GNB4: variants seen among roughly 807,000 people sequenced by gnomAD.
The protein encoded by GNB4 is guanine nucleotide-binding protein subunit beta-4.
GNB4 carries 28 observed loss-of-function variants against 45.2 expected under a neutral mutation model. That is an observed-to-expected ratio of 0.62 (90% confidence interval 0.46 to 0.85). The LOEUF is 0.85. GNB4 is among the 40% of genes least tolerant of loss of function. The pLI, the probability that GNB4 is intolerant of heterozygous loss-of-function variation, is 0.00. For missense variants in GNB4, 321 were observed against 425.4 expected (o/e 0.75, Z 2.16); for synonymous variants, 132 against 143.7 (o/e 0.92, Z 0.58).
chr3:179,418,205 C>A (rs567580247), intron 4 of GNB4, among the ~76,000 whole-genome samples: 1 of 152,194 alleles, frequency 6.6e-6, no homozygotes, highest in East Asian at 1.9e-4. Flanking sequence ...CGGTGGCTCA[C>A]ACCTGATTAA....
the GNB4 span, among the ~76,000 whole-genome samples, chr3:179,469,909 G>A: frequency 2.6e-5 from 4 of 152,162 alleles, no homozygotes; most frequent in African/African-American, 9.7e-5. Flanking sequence ...TTATACTGAG[G>A]CCAAGGAACT....
intron 4 of GNB4, among the ~76,000 whole-genome samples, chr3:179,416,971 G>GTA (rs1714817394): frequency 6.6e-6 from 1 of 152,114 alleles, no homozygotes; most frequent in Non-Finnish European, 1.5e-5. Context: ...AATACTAGAG[G>GTA]TACAACGCAG....
the GNB4 span, among the ~76,000 whole-genome samples, chr3:179,486,334 T>C: frequency 6.6e-6 from 1 of 152,034 alleles, no homozygotes; most frequent in Non-Finnish European, 1.5e-5. Flanking sequence ...TAATCATGAG[T>C]TTATTTGCTT....
the GNB4 span, chr3:179,464,848 C>G: frequency 7.4e-7 from 1 of 1,343,078 alleles, no homozygotes; most frequent in African/African-American, 1.4e-5. Flanking sequence ...TGTGTTTGGA[C>G]CAGTATTCCA....
intron 8 of GNB4, among the ~76,000 whole-genome samples, chr3:179,408,541 A>G (rs556869095): frequency 7.9e-5 from 12 of 152,306 alleles, no homozygotes; most frequent in African/African-American, 2.9e-4. Context: ...CTTTAATCCC[A>G]GCATTTTGGG....
At position 179,401,000 on chromosome 3, in the gene GNB4, T is replaced by C. The variant is rs1383703665; in HGVS notation, c.*213A>G. On this transcript the variant is annotated 3_prime_UTR_variant, in exon 10 of 10. Coordinates refer to ENST00000232564, the MANE Select transcript of GNB4 (RefSeq NM_021629.4). ...GTTAAAATAACCCAACCCCTCAAAT[T>C]AATACACTGGTCCTTTTGATCTCAG... 6.5e-6 allele frequency: 3 copies of C among 458,412 alleles called. No individual in the cohort carries two copies. The highest frequency in any genetic ancestry group is 6.0e-5 in the African/African-American group (3 of 50,226). The allele number at this position is 458,412 out of a possible 1,614,324, so 28.4% of individuals were successfully genotyped here.
intron 8 of GNB4, among the ~76,000 whole-genome samples, chr3:179,409,355 C>CA (rs767464834): frequency 2.6e-5 from 4 of 151,026 alleles, no homozygotes; most frequent in East Asian, 3.9e-4. Flanking sequence ...ACTAAAAATA[C>CA]AAAAAAATCA....
chr3:179,401,590 A>C (rs1038986040), intron 9 of GNB4, among the ~76,000 whole-genome samples: 3 of 152,226 alleles, frequency 2.0e-5, no homozygotes, highest in African/African-American at 7.2e-5. Flanking sequence ...ATCATCTTAT[A>C]ATTCAACTTA....
the GNB4 span, among the ~76,000 whole-genome samples, chr3:179,473,289 AT>A: frequency 1.3e-5 from 2 of 151,710 alleles, no homozygotes; most frequent in African/African-American, 2.4e-5. Context: ...TACTGAAGGA[AT>A]TTTTTTTTAA....
intron 4 of GNB4, among the ~76,000 whole-genome samples, chr3:179,418,400 G>A (rs1714864987): frequency 6.8e-6 from 1 of 146,490 alleles, no homozygotes. Flanking sequence ...AACCTGGGAG[G>A]CAGAGGTTGC....
the GNB4 span, among the ~76,000 whole-genome samples, chr3:179,512,029 C>T: frequency 4.6e-5 from 7 of 152,312 alleles, no homozygotes; most frequent in East Asian, 1.9e-4. Flanking sequence ...TAGACAGGGT[C>T]GTTGTAACAG....
the GNB4 span, among the ~76,000 whole-genome samples, chr3:179,503,299 G>A: frequency 2.0e-5 from 3 of 152,104 alleles, no homozygotes; most frequent in African/African-American, 7.2e-5. Context: ...AAAATAAGAT[G>A]GATCAATGGA....
chr3:179,524,487 T>C, the GNB4 span, among the ~76,000 whole-genome samples: 1 of 152,230 alleles, frequency 6.6e-6, no homozygotes, highest in Non-Finnish European at 1.5e-5. Flanking sequence ...GGCTGGGTTT[T>C]GTCTCACAAC....
chr3:179,510,845 C>G, the GNB4 span, among the ~76,000 whole-genome samples: 2 of 152,188 alleles, frequency 1.3e-5, no homozygotes, highest in Non-Finnish European at 2.9e-5. Flanking sequence ...TTCTGATCCC[C>G]ATTACAGATG....
At chr3:179,418,745 C>G (rs888317937) in intron 4 of GNB4, among the ~76,000 whole-genome samples, 1 of 152,168 alleles carries the variant, frequency 6.6e-6, no homozygotes, top group Non-Finnish European at 1.5e-5. Flanking sequence ...ATCAAAGGAA[C>G]AAGTAAACCA....
intron 8 of GNB4, among the ~76,000 whole-genome samples, chr3:179,407,492 C>T (rs1315520654): frequency 6.6e-6 from 1 of 152,062 alleles, no homozygotes; most frequent in African/African-American, 2.4e-5. Flanking sequence ...AAGATCATTC[C>T]TACAGCTGCT....
At chr3:179,459,855 A>G in the GNB4 span, among the ~76,000 whole-genome samples, 4 of 152,160 alleles carry the variant, frequency 2.6e-5, no homozygotes, top group Admixed American at 1.3e-4. Flanking sequence ...CACCAGTTGG[A>G]TCTCATAAAC....
chr3:179,452,499 C>A (rs1442339147), upstream of GNB4: 1 of 152,154 alleles, frequency 6.6e-6, no homozygotes, highest in Non-Finnish European at 1.5e-5. Flanking sequence ...ACAATATCAT[C>A]AGATAACTTT....
chr3:179,476,960 A>C, the GNB4 span, among the ~76,000 whole-genome samples: 1 of 152,168 alleles, frequency 6.6e-6, no homozygotes, highest in African/African-American at 2.4e-5. Context: ...CTCTTGAAGA[A>C]TGTGGGGAGT....
Sources: allele counts gnomAD v4.1 joint callset (sites outside exome capture counted in the v4.1 genomes callset), GRCh38; gene constraint gnomAD v4.1.1; transcripts MANE v1.5; gene names NCBI Gene and HGNC (gene_info 2026-07-23, HGNC 2026-07-21).